NMNAT3: variants seen among roughly 807,000 people sequenced by gnomAD.
NMNAT3 encodes the protein nicotinamide/nicotinic acid mononucleotide adenylyltransferase 3.
In NMNAT3, 21 loss-of-function variants were observed where a neutral mutation model predicts 24.8. The ratio of observed to expected loss-of-function variants is 0.85; its 90% CI spans 0.60 to 1.22. NMNAT3 has a LOEUF of 1.22. Among genes scored for constraint, NMNAT3 ranks in the 50% most tolerant of loss-of-function variants. NMNAT3 has a pLI of 0.00. For synonymous variants in NMNAT3, 136 were observed against 155.2 expected (o/e 0.88, Z 0.92); for missense variants, 387 against 436.6 (o/e 0.89, Z 1.01).
chr3:139,583,460 T>C (rs2053763328), intron 3 of NMNAT3: 3 of 1,603,224 alleles, frequency 1.9e-6, no homozygotes, highest in South Asian at 2.2e-5. Context: ...TTGAAGAACT[T>C]CTTGAGATGC....
At chr3:139,592,054 G>C (rs1576595043) in intron 3 of NMNAT3, among the ~76,000 whole-genome samples, 3 of 152,258 alleles carry the variant, frequency 2.0e-5, no homozygotes, top group African/African-American at 7.2e-5. Context: ...CAAAGGCAAA[G>C]AAGTTGAAAA....
At chr3:139,587,141 G>A (rs1479075287) in intron 3 of NMNAT3, among the ~76,000 whole-genome samples, 2 of 152,218 alleles carry the variant, frequency 1.3e-5, no homozygotes, top group East Asian at 3.9e-4. Flanking sequence ...GGCATGTGGC[G>A]TGTATAGCAG....
chr3:139,615,417 T>TTCTATCTATCTGTCTATCTA (rs1553751025), intron 3 of NMNAT3, among the ~76,000 whole-genome samples: 25 of 140,124 alleles, frequency 1.8e-4, no homozygotes, highest in African/African-American at 6.2e-4. Flanking sequence ...CACACACATT[T>TTCTATCTATCTGTCTATCTA]TCTATCTATC....
intron 3 of NMNAT3, among the ~76,000 whole-genome samples, chr3:139,620,240 G>A (rs1157871876): frequency 6.7e-6 from 1 of 148,630 alleles, no homozygotes; most frequent in East Asian, 2.0e-4. Context: ...TTTTACTGAG[G>A]TATAACTGAC....
rs114820466 is a variant in NMNAT3 at position 139,653,824 on chromosome 3, G to A, written c.-140-15762C>T. Among the ~76,000 whole-genome samples, 1,316 of 152,310 alleles carry A rather than the reference G, an allele frequency of 8.6e-3. 14 individuals carry two copies. Among genetic ancestry groups the A allele is most frequent in the South Asian group, 0.03 (146 of 4,828 alleles). On this transcript the variant is annotated intron_variant, in intron 1 of 6. Transcript: ENST00000643695. ...CTGCTTGAGTCACAGTCAGCAACAC[G>A]TTGTAACTCGAACCTGGGGCGTGGC...
chr3:139,569,234 G>C (rs1443640862), intron 6 of NMNAT3: 1 of 151,394 alleles, frequency 6.6e-6, no homozygotes, highest in Non-Finnish European at 1.5e-5. Flanking sequence ...GCCTATGTGT[G>C]TCTCTGCCCG....
At chr3:139,586,376 A>G (rs2053940133) in intron 3 of NMNAT3, among the ~76,000 whole-genome samples, 2 of 152,166 alleles carry the variant, frequency 1.3e-5, no homozygotes, top group South Asian at 4.1e-4. Flanking sequence ...ACCCAAAATA[A>G]AAGTTTAAAA....
intron 3 of NMNAT3, among the ~76,000 whole-genome samples, chr3:139,597,389 T>G (rs1377964988): frequency 6.6e-6 from 1 of 152,148 alleles, no homozygotes; most frequent in Non-Finnish European, 1.5e-5. Flanking sequence ...CATAAAAATA[T>G]ATTGTCTTAG....
chr3:139,653,549 GAAAC>G (rs1473255690), intron 1 of NMNAT3, among the ~76,000 whole-genome samples: 1 of 152,128 alleles, frequency 6.6e-6, no homozygotes, highest in Non-Finnish European at 1.5e-5. Flanking sequence ...GACACTTTTG[GAAAC>G]AAACAGCTGA....
At position 139,658,108 on chromosome 3, in the gene NMNAT3, G is replaced by GA. The variant is rs201049356; in HGVS notation, c.-141+19596dup. 2.7e-3 allele frequency among the ~76,000 whole-genome samples: 404 copies of GA among 152,150 alleles called. 2 individuals are homozygous for GA. Among genetic ancestry groups the GA allele is most frequent in the African/African-American group, 9.3e-3 (387 of 41,486 alleles). On this transcript the variant is annotated intron_variant, in intron 1 of 6. Transcript: ENST00000643695. ...TGTTTTGGGGTTCTGCTGGTTGAAG[G>GA]AGCTCGGGAAGCACCCCTCTCTGTG...
At chr3:139,657,317 A>G (rs779975012) in intron 1 of NMNAT3, among the ~76,000 whole-genome samples, 1 of 152,250 alleles carries the variant, frequency 6.6e-6, no homozygotes, top group Non-Finnish European at 1.5e-5. Context: ...ACTATCCTTT[A>G]GACATCAATT....
chr3:139,592,300 CA>C (rs1215545230), intron 3 of NMNAT3, among the ~76,000 whole-genome samples: 2 of 152,106 alleles, frequency 1.3e-5, no homozygotes, highest in Admixed American at 6.5e-5. Flanking sequence ...GCAAAGTGTC[CA>C]AGAAATATGG....
intron 2 of NMNAT3, among the ~76,000 whole-genome samples, chr3:139,629,868 C>T (rs940743895): frequency 6.6e-6 from 1 of 152,184 alleles, no homozygotes; most frequent in Non-Finnish European, 1.5e-5. Flanking sequence ...AGATCCAATT[C>T]ATATGATCAC....
In NMNAT3 at chr3:139,560,949, T is replaced by G; in HGVS notation, c.*61A>C. 4 of 1,525,522 alleles carry G rather than the reference T, an allele frequency of 2.6e-6. No individual in the cohort carries two copies. Among genetic ancestry groups the G allele is most frequent in the Non-Finnish European group, 2.7e-6 (3 of 1,129,966 alleles). The allele number at this position is 1,525,522 out of a possible 1,614,324, so 94.5% of individuals were successfully genotyped here. On this transcript the variant is annotated 3_prime_UTR_variant, in exon 7 of 7. Transcript: ENST00000643695. ...AAAAACCAAAGTAAAACAGAAACCT[T>G]AACAGCCCTCTCCCCAGCAGGAGCT...
At chr3:139,594,364 C>A (rs7645763) in intron 3 of NMNAT3, among the ~76,000 whole-genome samples, 3 of 152,032 alleles carry the variant, frequency 2.0e-5, no homozygotes, top group Non-Finnish European at 4.4e-5. Context: ...TGGATTCACA[C>A]CTGAATTCTA....
chr3:139,620,727 T>G (rs1419528292), intron 3 of NMNAT3, among the ~76,000 whole-genome samples: 1 of 152,190 alleles, frequency 6.6e-6, no homozygotes, highest in Non-Finnish European at 1.5e-5. Context: ...TAACTTTTTT[T>G]TTTTGAGACA....
At chr3:139,595,652 C>T (rs937185745) in intron 3 of NMNAT3, among the ~76,000 whole-genome samples, 16 of 152,074 alleles carry the variant, frequency 1.1e-4, no homozygotes, top group South Asian at 2.1e-4. Context: ...TCAGAAATAA[C>T]GCCGCATATC....
chr3:139,649,942 G>A (rs2057001447), intron 1 of NMNAT3, among the ~76,000 whole-genome samples: 1 of 152,198 alleles, frequency 6.6e-6, no homozygotes, highest in African/African-American at 2.4e-5. Context: ...GGGCCATGAA[G>A]AGATGAATGG....
chr3:139,677,811 G>C lies in NMNAT3; in HGVS notation c.-247C>G, dbSNP rs1306306671. 6.6e-6 allele frequency: 1 copy of C among 152,482 alleles called. No individual in the cohort carries two copies. Among genetic ancestry groups the C allele is most frequent in the Non-Finnish European group, 1.5e-5 (1 of 68,260 alleles). The allele number at this position is 152,482 out of a possible 1,614,324, so 9.4% of individuals were successfully genotyped here. A position where few individuals can be genotyped will look rare whatever the true frequency, so the allele number is the denominator to read the frequency against. ...GGGGCTGTCGGTCAGCGCGCGGCCCGGCGCCCGAGGTCCGAGAGGGAAACG... is the reference window on the plus strand; with the variant it reads ...GGGGCTGTCGGTCAGCGCGCGGCCCCGCGCCCGAGGTCCGAGAGGGAAACG... On this transcript the variant is annotated 5_prime_UTR_variant, in exon 1 of 7. Coordinates refer to ENST00000643695, the MANE Select transcript of NMNAT3 (RefSeq NM_001320510.2).
Sources: gnomAD v4.1 joint callset for allele counts (sites outside exome capture counted in the v4.1 genomes callset) on GRCh38, gnomAD v4.1.1 for gene constraint, MANE v1.5 for transcripts, NCBI Gene and HGNC (gene_info 2026-07-23, HGNC 2026-07-21) for gene names.